The following PRRC2B variants were observed in gnomAD, a reference collection of about 807,000 sequenced individuals.
PRRC2B encodes proline rich coiled-coil 2B.
In PRRC2B, 68 loss-of-function variants were observed where a neutral mutation model predicts 242.3. The ratio of observed to expected loss-of-function variants is 0.28; its 90% CI spans 0.23 to 0.34. The LOEUF (loss-of-function observed/expected upper bound fraction) is 0.34, where lower values mean the gene tolerates loss of function less well. Among genes scored for constraint, PRRC2B ranks in the 10% least tolerant of loss-of-function variants. The pLI is 1.00. For missense variants in PRRC2B, 2,835 were observed against 2,954.8 expected (o/e 0.96, Z 0.94); for synonymous variants, 1,228 against 1,173.6 (o/e 1.05, Z -0.95).
rs1284390430 is a variant in PRRC2B at position 131,475,085 on chromosome 9, G to A, written c.2956G>A (p.Asp986Asn). Reference protein sequence around the residue: ...EKEQSPTAEKDEDEENDASLA... With the variant: ...EKEQSPTAEKNEDEENDASLA... ...GGAGCAGAGCCCCACGGCAGAAAAG[G>A]ATGAGGACGAAGAGAACGATGCCTC... The change falls in exon 16 of 32, where the codon GAT becomes AAT. Residue 986 changes from aspartate to asparagine, a missense_variant. By Grantham distance (23) the Asp-to-Asn change is conservative (BLOSUM62 1). Coordinates refer to ENST00000683519, the MANE Select transcript of PRRC2B (RefSeq NM_013318.4). The A allele has an allele frequency of 6.2e-6, 10 of 1,611,296 alleles. No individual in the cohort carries two copies. In the East Asian group the frequency reaches 1.6e-4, roughly 25 times the overall value.
At chr9:131,448,544 A>AG (rs1838888154) in intron 9 of PRRC2B, among the ~76,000 whole-genome samples, 3 of 84,614 alleles carry the variant, frequency 3.5e-5, no homozygotes, top group Non-Finnish European at 6.6e-5. Context: ...ACACTGTCTC[A>AG]AAAAAAAAAA....
At chr9:131,481,703 A>G in intron 19 of PRRC2B, 23 bp from the exon 20 acceptor site, 1 of 1,547,802 alleles carries the variant, frequency 6.5e-7, no homozygotes, top group East Asian at 2.4e-5. Context: ...TGATGCCCTG[A>G]CTCTGTCTTC....
chr9:131,445,747 G>A (rs913283315), intron 6 of PRRC2B, among the ~76,000 whole-genome samples: 1 of 152,170 alleles, frequency 6.6e-6, no homozygotes, highest in Non-Finnish European at 1.5e-5. Flanking sequence ...AAAGGTGACC[G>A]AAAACAGGGG....
chr9:131,385,041 CTT>C (rs1020366549), intron 1 of PRRC2B, among the ~76,000 whole-genome samples: 4 of 152,022 alleles, frequency 2.6e-5, no homozygotes. Context: ...GAGTTTCACT[CTT>C]GTCGCCCAGG....
At chr9:131,489,107 T>C (rs1339409495) in intron 28 of PRRC2B, among the ~76,000 whole-genome samples, 2 of 151,758 alleles carry the variant, frequency 1.3e-5, no homozygotes, top group East Asian at 3.9e-4. Context: ...TCGCATAATC[T>C]CAACTCTCAG....
chr9:131,465,153 T>G (rs1193496198), intron 12 of PRRC2B, 75 bp downstream of exon 12: 13 of 1,398,994 alleles, frequency 9.3e-6, no homozygotes, highest in South Asian at 1.4e-5. Context: ...GCAACTGCCT[T>G]CCTTCTTAGC....
In PRRC2B at chr9:131,494,330, C is replaced by T; in HGVS notation, c.6474-75C>T. On this transcript the variant is annotated intron_variant, in intron 30 of 31. Transcript: ENST00000683519. The surrounding 1 kb of genome is among the most constrained non-coding windows in gnomAD (Gnocchi z 4.3). Reference sequence around the variant, plus strand: ...AGGCCCTTCCTTCCTTGTGCCTCCTCCATGTGCTAGGCTTTGACTCCATTT... The same window carrying T: ...AGGCCCTTCCTTCCTTGTGCCTCCTTCATGTGCTAGGCTTTGACTCCATTT... 1 of 782,530 alleles carries T rather than the reference C, an allele frequency of 1.3e-6. No homozygotes were observed. The highest frequency in any genetic ancestry group is 2.1e-6 in the Non-Finnish European group (1 of 465,846). The allele number at this position is 782,530 out of a possible 1,614,324, so 48.5% of individuals were successfully genotyped here.
At chr9:131,456,379 C>T (rs1284241617) in intron 10 of PRRC2B, among the ~76,000 whole-genome samples, 1 of 151,926 alleles carries the variant, frequency 6.6e-6, no homozygotes, top group East Asian at 1.9e-4. Context: ...CGCCTGTAAT[C>T]CTAGCACTTT....
upstream of PRRC2B, among the ~76,000 whole-genome samples, chr9:131,390,149 G>A (rs1373839868): frequency 1.7e-4 from 25 of 150,014 alleles, 2 homozygotes; most frequent in East Asian, 2.0e-3. Flanking sequence ...TCCTGACCTC[G>A]TGGTCCTCCC....
At chr9:131,473,933 G>A (rs1943614043) in intron 15 of PRRC2B, among the ~76,000 whole-genome samples, 1 of 152,164 alleles carries the variant, frequency 6.6e-6, no homozygotes, top group African/African-American at 2.4e-5. Context: ...ATGGTGAGAC[G>A]TAAGGTGAAG....
chr9:131,427,867 T>G (rs1220887427), intron 1 of PRRC2B, among the ~76,000 whole-genome samples: 1 of 152,254 alleles, frequency 6.6e-6, no homozygotes, highest in African/African-American at 2.4e-5. Flanking sequence ...TTGCTTTAGC[T>G]TTGTTTTCCA....
At chr9:131,464,114 G>A (rs1366771450) in intron 11 of PRRC2B, among the ~76,000 whole-genome samples, 1 of 151,952 alleles carries the variant, frequency 6.6e-6, no homozygotes, top group Admixed American at 6.6e-5. Flanking sequence ...GCTAATTTTT[G>A]TATTTTTAGT....
Position 131,470,923 on chromosome 9 carries a change from C to A in PRRC2B, c.2047C>A (p.Pro683Thr). The A allele has an allele frequency of 6.2e-7, 1 of 1,612,570 alleles. No homozygotes were observed. The highest frequency in any genetic ancestry group is 8.5e-7 in the Non-Finnish European group (1 of 1,179,010). Residue 683 changes from proline to threonine, a missense_variant, in exon 14 of 32, where the codon CCA becomes ACA. Around this residue, in one of 7 missense-constraint regions of PRRC2B, gnomAD observed 1,536 missense variants for 1,483.1 expected, o/e 1.04. Coordinates refer to ENST00000683519, the MANE Select transcript of PRRC2B (RefSeq NM_013318.4). ...RWMMMPSYMD[P>T]RITPTRTPVD... ...GATGATGATGCCTTCCTACATGGAC[C>A]CACGTATCACGCCCACTCGGACCCC...
At chr9:131,384,986 T>G (rs900774740) in intron 1 of PRRC2B, among the ~76,000 whole-genome samples, 6 of 152,090 alleles carry the variant, frequency 3.9e-5, no homozygotes, top group Non-Finnish European at 7.4e-5. Context: ...AGTGTTGGGT[T>G]GTGTTTTGTT....
chr9:131,454,277 A>C (rs1943007005), intron 9 of PRRC2B, among the ~76,000 whole-genome samples: 2 of 152,226 alleles, frequency 1.3e-5, no homozygotes, highest in Non-Finnish European at 2.9e-5. Context: ...TCTGTGATGG[A>C]TACTTTCTGC....
At chr9:131,415,284 C>T (rs2131302151) in intron 1 of PRRC2B, among the ~76,000 whole-genome samples, 1 of 152,366 alleles carries the variant, frequency 6.6e-6, no homozygotes, top group Middle Eastern at 3.4e-3. Flanking sequence ...GCCTGGCCAA[C>T]AGCAACTATC....
intron 1 of PRRC2B, among the ~76,000 whole-genome samples, chr9:131,376,383 C>T (rs1019524754): frequency 2.0e-5 from 3 of 150,178 alleles, no homozygotes; most frequent in Admixed American, 6.7e-5. Flanking sequence ...GAAATGATAA[C>T]ATGCATGTAG....
chr9:131,448,543 C>CAAA lies in PRRC2B; in HGVS notation c.1120+764_1120+766dup, dbSNP rs754661321. 5.2e-3 allele frequency among the ~76,000 whole-genome samples: 206 copies of CAAA among 39,870 alleles called. 49 individuals carry two copies. The highest frequency in any genetic ancestry group is 0.016 in the Middle Eastern group (1 of 62). The allele number at this position is 39,870 out of a possible 152,430, so 26.2% of individuals were successfully genotyped here. A position where few individuals can be genotyped will look rare whatever the true frequency, so the allele number is the denominator to read the frequency against. ...TGGGCGACAGAGGGAGACACTGTCT[C>CAAA]AAAAAAAAAAAAAAAAAAAAAAAAA... On this transcript the variant is annotated intron_variant, in intron 9 of 31. Coordinates refer to ENST00000683519, the MANE Select transcript of PRRC2B (RefSeq NM_013318.4).
chr9:131,473,542 C>A lies in PRRC2B; in HGVS notation c.2142C>A (p.Leu714=), dbSNP rs1220251560. 6.2e-7 allele frequency: 1 copy of A among 1,608,346 alleles called. No homozygotes were observed. Among genetic ancestry groups the A allele is most frequent in the Non-Finnish European group, 8.5e-7 (1 of 1,177,392 alleles). Residue 714 remains leucine (L), a synonymous_variant, in exon 15 of 32, where the codon CTC becomes CTA. Transcript: ENST00000683519. ...LMKPMMPQES[L]NGTGCRSEDQ... ...AGCCCATGATGCCCCAGGAGTCCCT[C>A]AATGGGACAGGCTGTCGCTCTGAGG...
Sources: allele counts gnomAD v4.1 joint callset (sites outside exome capture counted in the v4.1 genomes callset), GRCh38; gene constraint gnomAD v4.1.1; regional missense constraint gnomAD v4.1.1; non-coding constraint Gnocchi (gnomAD v3.1); transcripts MANE v1.5; gene names NCBI Gene and HGNC (gene_info 2026-07-23, HGNC 2026-07-21).